The following PRR36 variants were observed in gnomAD, a reference collection of about 807,000 sequenced individuals.
The protein encoded by PRR36 is proline-rich protein 36.
PRR36 carries 30 observed loss-of-function variants against 58.6 expected under a neutral mutation model. The observed-to-expected ratio is 0.51, with a 90% CI of 0.38 to 0.69. The LOEUF is 0.69. Among genes scored for constraint, PRR36 ranks in the 30% least tolerant of loss-of-function variants. The probability of loss-of-function intolerance (pLI) is 0.00; values close to 1 mark genes in which losing one functional copy is unlikely to be tolerated. For synonymous variants in PRR36, 771 were observed against 829.3 expected (o/e 0.93, Z 1.21); for missense variants, 1,692 against 1,805.6 (o/e 0.94, Z 1.14).
At position 7,872,645 on chromosome 19, in the gene PRR36, G is replaced by T; in HGVS notation, c.599C>A (p.Pro200His). ...TGATTTCCGGGGGCCCTCTGTCGGGGGCCGTGGCCGGGCACTCGGAGCTGG... is the reference window on the plus strand; with the variant it reads ...TGATTTCCGGGGGCCCTCTGTCGGGTGCCGTGGCCGGGCACTCGGAGCTGG... ...PRPAPSARPR[P>H]PTEGPRKSVS... The change falls in exon 5 of 6, where the codon CCC becomes CAC. Residue 200 changes from proline (P) to histidine (H), a missense_variant. This residue lies in a region of PRR36 where 975 missense variants were observed against 955.2 expected (regional missense o/e 1.02). Coordinates refer to ENST00000618550, the MANE Select transcript of PRR36 (RefSeq NM_001190467.2). The surrounding 1 kb of genome is among the most constrained non-coding windows in gnomAD (Gnocchi z 6.1). 6.8e-7 allele frequency: 1 copy of T among 1,477,612 alleles called. No individual in the cohort carries two copies. The highest frequency in any genetic ancestry group is 8.9e-7 in the Non-Finnish European group (1 of 1,118,800). 91.5% of individuals were successfully genotyped at this position (1,477,612 alleles called of 1,614,324 possible).
At position 7,869,003 on chromosome 19, in the gene PRR36, G is replaced by T. The variant is rs971416889; in HGVS notation, c.*30C>A. 2.7e-6 allele frequency: 4 copies of T among 1,481,624 alleles called. No homozygotes were observed. The highest frequency in any genetic ancestry group is 3.6e-6 in the Non-Finnish European group (4 of 1,117,926). 91.8% of individuals were successfully genotyped at this position (1,481,624 alleles called of 1,614,324 possible). On this transcript the variant is annotated 3_prime_UTR_variant, in exon 6 of 6. Transcript: ENST00000618550. ...GAGGGGCGGATCCTAAGGCAGGGGTGGGGTGTAGCAGGCGGGGCTGTGGTC... is the reference window on the plus strand; with the variant it reads ...GAGGGGCGGATCCTAAGGCAGGGGTTGGGTGTAGCAGGCGGGGCTGTGGTC...
At position 7,869,360 on chromosome 19, in the gene PRR36, G is replaced by A. The variant is rs1432382927; in HGVS notation, c.3714C>T (p.Ser1238=). 1 of 1,433,716 alleles carries A rather than the reference G, an allele frequency of 7.0e-7. No individual in the cohort carries two copies. The highest frequency in any genetic ancestry group is 9.1e-7 in the Non-Finnish European group (1 of 1,103,498). The allele number at this position is 1,433,716 out of a possible 1,614,324, so 88.8% of individuals were successfully genotyped here. A position where few individuals can be genotyped will look rare whatever the true frequency, so the allele number is the denominator to read the frequency against. Residue 1238 remains serine (S), a synonymous_variant, in exon 6 of 6, where the codon AGC becomes AGT. Coordinates refer to ENST00000618550, the MANE Select transcript of PRR36 (RefSeq NM_001190467.2). ...AGAGAGASSR[S]PKQARLGELP... is the part of the protein sequence containing the mutation. The stretch of plus-strand genomic sequence containing the variant: ...GCTCGCCCAGGCGCGCCTGCTTCGG[G>A]CTCCGCGAGGACGCCCCGGCCCCGG...
At position 7,871,519 on chromosome 19, in the gene PRR36, A is replaced by G. The variant is rs1157516759; in HGVS notation, c.1725T>C (p.Pro575=). The G allele has an allele frequency of 5.9e-6, 9 of 1,532,844 alleles. No homozygotes were observed. In the East Asian group the frequency reaches 7.4e-5, roughly 13 times the overall value. 95.0% of individuals were successfully genotyped at this position (1,532,844 alleles called of 1,614,324 possible). The part of the protein sequence containing the change: ...PQAPPSMTTP[P]MQAPPSLQTI... ...TCTGGAGAGAGGGCGGGGCCTGCATAGGGGGCGTAGTCATAGAAGGTGGGG... is the reference window on the plus strand; with the variant it reads ...TCTGGAGAGAGGGCGGGGCCTGCATGGGGGGCGTAGTCATAGAAGGTGGGG... The change falls in exon 5 of 6, where the codon CCT becomes CCC. Residue 575 remains proline (P), a synonymous_variant. Transcript: ENST00000618550.
Position 7,873,699 on chromosome 19 carries a change from G to A in PRR36, c.-7-3C>T. On this transcript the variant is annotated splice_polypyrimidine_tract_variant and splice_region_variant and intron_variant, in intron 1 of 5. Transcript: ENST00000618550. The surrounding 1 kb of genome is among the most constrained non-coding windows in gnomAD (Gnocchi z 5.0). ...CTCTCTTGTTGTCCATCTTGCACCT[G>A]AAGAGACAAACCGGTCCGCATCCCA... The A allele has an allele frequency of 1.3e-6, 2 of 1,534,000 alleles. No homozygotes were observed. Among genetic ancestry groups the A allele is most frequent in the Non-Finnish European group, 8.7e-7 (1 of 1,146,046 alleles).
Position 7,871,996 on chromosome 19 carries a change from T to C in PRR36, c.1248A>G (p.Thr416=). 1 of 1,534,744 alleles carries C rather than the reference T, an allele frequency of 6.5e-7. No homozygotes were observed. The highest frequency in any genetic ancestry group is 8.7e-7 in the Non-Finnish European group (1 of 1,146,670). Reference sequence around the variant, plus strand: ...GAGAGACTGAAGCCACAAAAGCGGCTGTGGCCAGGGAAGAGACGCCTGCTT... The same window carrying C: ...GAGAGACTGAAGCCACAAAAGCGGCCGTGGCCAGGGAAGAGACGCCTGCTT... ...FPEAGVSSLA[T]AAFVASVSPS... is the part of the protein sequence containing the mutation. Residue 416 remains threonine, a synonymous_variant, in exon 5 of 6, where the codon ACA becomes ACG. Transcript: ENST00000618550.
rs1187484296 is a variant in PRR36 at position 7,871,973 on chromosome 19, G to C, written c.1271C>G (p.Ser424Cys). 6.5e-7 allele frequency: 1 copy of C among 1,535,738 alleles called. No homozygotes were observed. Among genetic ancestry groups the C allele is most frequent in the Admixed American group, 2.0e-5 (1 of 50,954 alleles). The change falls in exon 5 of 6, where the codon TCT (serine) becomes TGT (cysteine). Residue 424 changes from serine to cysteine, a missense_variant. Ser to Cys is a moderately radical substitution (Grantham distance 112, BLOSUM62 -1). Around this residue, in one of 5 missense-constraint regions of PRR36, gnomAD observed 975 missense variants for 955.2 expected, o/e 1.02. Transcript: ENST00000618550. Reference protein sequence around the residue: ...LATAAFVASVSPSVSSPLQSM... With the variant: ...LATAAFVASVCPSVSSPLQSM... Reference sequence around the variant, plus strand: ...CTGCAGAGGGGATGAAACTGATGGAGAGACTGAAGCCACAAAAGCGGCTGT... The same window carrying C: ...CTGCAGAGGGGATGAAACTGATGGACAGACTGAAGCCACAAAAGCGGCTGT...
chr19:7,869,700 T>C lies in PRR36; in HGVS notation c.3529+15A>G. On this transcript the variant is annotated intron_variant, in intron 5 of 5. Coordinates refer to ENST00000618550, the MANE Select transcript of PRR36 (RefSeq NM_001190467.2). ...ACCCCGCCCACAGCCAGGCCGGGTC[T>C]GGGGTGCCCCTTACCTGGGGCTCCG... is the stretch of plus-strand genomic sequence containing the variant. The C allele has an allele frequency of 2.2e-6, 3 of 1,354,790 alleles. No homozygotes were observed. Among genetic ancestry groups the C allele is most frequent in the Non-Finnish European group, 2.8e-6 (3 of 1,057,900 alleles). The allele number at this position is 1,354,790 out of a possible 1,614,324, so 83.9% of individuals were successfully genotyped here. A position where few individuals can be genotyped will look rare whatever the true frequency, so the allele number is the denominator to read the frequency against.
Position 7,869,389 on chromosome 19 carries a change from C to G in PRR36, c.3685G>C (p.Gly1229Arg). Residue 1229 changes from glycine (G) to arginine (R), a missense_variant, in exon 6 of 6, where the codon GGG (glycine) becomes CGG (arginine). This residue lies in a region of PRR36 where 485 missense variants were observed against 549.2 expected (regional missense o/e 0.88). Transcript: ENST00000618550. ...CGCGAGGACGCCCCGGCCCCGGCCC[C>G]AGCCGCCGCCTTCCCACCGCTCGTG... ...PGTSGGKAAA[G>R]AGAGASSRSP... is the part of the protein sequence containing the mutation. The G allele has an allele frequency of 6.8e-7, 1 of 1,468,782 alleles. No homozygotes were observed. The highest frequency in any genetic ancestry group is 1.3e-5 in the South Asian group (1 of 76,326). The allele number at this position is 1,468,782 out of a possible 1,614,324, so 91.0% of individuals were successfully genotyped here.
At position 7,873,832 on chromosome 19, in the gene PRR36, C is replaced by T; in HGVS notation, c.-7-136G>A. On this transcript the variant is annotated intron_variant, in intron 1 of 5. Coordinates refer to ENST00000618550, the MANE Select transcript of PRR36 (RefSeq NM_001190467.2). The surrounding 1 kb of genome is among the most constrained non-coding windows in gnomAD (Gnocchi z 5.0). The stretch of plus-strand genomic sequence containing the variant: ...TCAAACCTCGGCCTCGGCTTCCATC[C>T]GCTCGGCTCCCACGCACCTACACCC... The T allele has an allele frequency of 3.7e-6, 3 of 802,300 alleles. No homozygotes were observed. The highest frequency in any genetic ancestry group is 1.9e-5 in the South Asian group (1 of 51,658). 49.7% of individuals were successfully genotyped at this position (802,300 alleles called of 1,614,324 possible). A position where few individuals can be genotyped will look rare whatever the true frequency, so the allele number is the denominator to read the frequency against.
Position 7,873,840 on chromosome 19 carries a change from T to C in PRR36, c.-7-144A>G. 3 of 662,618 alleles carry C rather than the reference T, an allele frequency of 4.5e-6. No homozygotes were observed. Among genetic ancestry groups the C allele is most frequent in the South Asian group, 2.3e-5 (1 of 44,404 alleles). The allele number at this position is 662,618 out of a possible 1,614,324, so 41.0% of individuals were successfully genotyped here. A position where few individuals can be genotyped will look rare whatever the true frequency, so the allele number is the denominator to read the frequency against. Reference sequence around the variant, plus strand: ...CGGCCTCGGCTTCCATCCGCTCGGCTCCCACGCACCTACACCCACTCGCCA... The same window carrying C: ...CGGCCTCGGCTTCCATCCGCTCGGCCCCCACGCACCTACACCCACTCGCCA... On this transcript the variant is annotated intron_variant, in intron 1 of 5. Coordinates refer to ENST00000618550, the MANE Select transcript of PRR36 (RefSeq NM_001190467.2). The surrounding 1 kb of genome is among the most constrained non-coding windows in gnomAD (Gnocchi z 5.0).
chr19:7,871,254 C>T lies in PRR36; in HGVS notation c.1990G>A (p.Ala664Thr). 1 of 1,488,216 alleles carries T rather than the reference C, an allele frequency of 6.7e-7. No homozygotes were observed. The allele number at this position is 1,488,216 out of a possible 1,614,324, so 92.2% of individuals were successfully genotyped here. ...AGAGAAGTCTGCAGAGGGGGTGAGG[C>T]AGGAAGGGAAAGAGGGGCCTGCAGA... Reference protein sequence around the residue: ...PPLQAPLSLPASPPLQTSLSP... With the variant: ...PPLQAPLSLPTSPPLQTSLSP... Residue 664 changes from alanine (A) to threonine (T), a missense_variant, in exon 5 of 6, where the codon GCC becomes ACC. Ala to Thr is a moderately conservative substitution (Grantham distance 58). Around this residue, in one of 5 missense-constraint regions of PRR36, gnomAD observed 975 missense variants for 955.2 expected, o/e 1.02. Coordinates refer to ENST00000618550, the MANE Select transcript of PRR36 (RefSeq NM_001190467.2).
At position 7,870,357 on chromosome 19, in the gene PRR36, G is replaced by A. The variant is rs1980343432; in HGVS notation, c.2887C>T (p.Pro963Ser). The A allele has an allele frequency of 1.3e-6, 1 of 776,994 alleles. No individual in the cohort carries two copies. Among genetic ancestry groups the A allele is most frequent in the African/African-American group, 3.5e-5 (1 of 28,706 alleles). 48.1% of individuals were successfully genotyped at this position (776,994 alleles called of 1,614,324 possible). Residue 963 changes from proline to serine, a missense_variant, in exon 5 of 6, where the codon CCC (proline) becomes TCC (serine). Pro to Ser is a moderately conservative substitution (Grantham distance 74). Transcript: ENST00000618550. ...AAPPLQVPPSPPASPPMSPSA... is the reference protein window; with the variant it reads ...AAPPLQVPPSSPASPPMSPSA... ...GGAGACATTGGGGGAGAGGCAGGGG[G>A]AGAGGGTGGGACCTGCAGAGGAGGC...
In PRR36 at chr19:7,873,996, G is replaced by T. The variant is rs1206550461; in HGVS notation, c.-8+290C>A. Among the ~76,000 whole-genome samples, 1 of 147,872 alleles carries T rather than the reference G, an allele frequency of 6.8e-6. No homozygotes were observed. Among genetic ancestry groups the T allele is most frequent in the African/African-American group, 2.5e-5 (1 of 40,166 alleles). ...ATTCAGGACCGATCTCCACGCCCCT[G>T]CCCCTTGCCCCTTCAGGGACTCAGA... On this transcript the variant is annotated intron_variant, in intron 1 of 5. Coordinates refer to ENST00000618550, the MANE Select transcript of PRR36 (RefSeq NM_001190467.2). The surrounding 1 kb of genome is among the most constrained non-coding windows in gnomAD (Gnocchi z 5.0).
Position 7,872,083 on chromosome 19 carries a change from G to C in PRR36, c.1161C>G (p.Pro387=), listed in dbSNP as rs1980480745. The C allele has an allele frequency of 4.6e-6, 7 of 1,535,132 alleles. No individual in the cohort carries two copies. The highest frequency in any genetic ancestry group is 6.1e-6 in the Non-Finnish European group (7 of 1,146,524). Reference sequence around the variant, plus strand: ...GCGAGGGGGGCGTGGCTGGTGGAGAGGGGAGGGTCTGCAGAGAAGGTGGAG... The same window carrying C: ...GCGAGGGGGGCGTGGCTGGTGGAGACGGGAGGGTCTGCAGAGAAGGTGGAG... ...PSAPPSLQTL[P]SPPATPPSQV... The change falls in exon 5 of 6, where the codon CCC becomes CCG. Residue 387 remains proline (P), a synonymous_variant. Coordinates refer to ENST00000618550, the MANE Select transcript of PRR36 (RefSeq NM_001190467.2). This position sits in a 1 kb window ranked among gnomAD's most constrained non-coding sequence, Gnocchi z 6.1.
rs1202163859 is a variant in PRR36, at chr19:7,872,658, C to T, written c.586G>A (p.Ala196Thr). 2 of 1,470,114 alleles carry T rather than the reference C, an allele frequency of 1.4e-6. No homozygotes were observed. Among genetic ancestry groups the T allele is most frequent in the Admixed American group, 2.4e-5 (1 of 41,290 alleles). The allele number at this position is 1,470,114 out of a possible 1,614,324, so 91.1% of individuals were successfully genotyped here. ...EVGLPRPAPSARPRPPTEGPR... is the reference protein window; with the variant it reads ...EVGLPRPAPSTRPRPPTEGPR... Reference sequence around the variant, plus strand: ...CCCTCTGTCGGGGGCCGTGGCCGGGCACTCGGAGCTGGCCGGGGGAGCCCC... The same window carrying T: ...CCCTCTGTCGGGGGCCGTGGCCGGGTACTCGGAGCTGGCCGGGGGAGCCCC... Residue 196 changes from alanine to threonine, a missense_variant, in exon 5 of 6, where the codon GCC becomes ACC. Around this residue, in one of 5 missense-constraint regions of PRR36, gnomAD observed 975 missense variants for 955.2 expected, o/e 1.02. Transcript: ENST00000618550. The surrounding 1 kb of genome is among the most constrained non-coding windows in gnomAD (Gnocchi z 6.1).
Position 7,872,290 on chromosome 19 carries a change from C to T in PRR36, c.954G>A (p.Pro318=). 6.9e-7 allele frequency: 1 copy of T among 1,455,864 alleles called. No homozygotes were observed. The highest frequency in any genetic ancestry group is 1.4e-5 in the African/African-American group (1 of 70,178). 90.2% of individuals were successfully genotyped at this position (1,455,864 alleles called of 1,614,324 possible). Residue 318 remains proline (P), a synonymous_variant, in exon 5 of 6, where the codon CCG becomes CCA. Transcript: ENST00000618550. This position sits in a 1 kb window ranked among gnomAD's most constrained non-coding sequence, Gnocchi z 6.1. ...GGGGAGTGGCTGCATTGTCGGGAGG[C>T]GGTACGGGTCTTGCCTTGGTACCCG... ...SPSGTKARPV[P]PPDNAATPLP... is the part of the protein sequence containing the mutation.
chr19:7,868,893 G>T lies in PRR36; in HGVS notation c.*140C>A. On this transcript the variant is annotated 3_prime_UTR_variant, in exon 6 of 6. Coordinates refer to ENST00000618550, the MANE Select transcript of PRR36 (RefSeq NM_001190467.2). ...AGGTCCCGAGCCTCCGAGGCCAAAG[G>T]CTCAGGCTCTAGGGAGCTAAGACTA... is the stretch of plus-strand genomic sequence containing the variant. The T allele has an allele frequency of 2.9e-6, 3 of 1,044,260 alleles. No individual in the cohort carries two copies. The highest frequency in any genetic ancestry group is 3.9e-6 in the Non-Finnish European group (3 of 760,450). 64.7% of individuals were successfully genotyped at this position (1,044,260 alleles called of 1,614,324 possible).
rs1980401383 is a variant in PRR36 at position 7,870,933 on chromosome 19, CTG to C, written c.2309_2310del (p.Thr770SerfsTer235). On this transcript the variant is annotated frameshift_variant, in exon 5 of 6. Coordinates refer to ENST00000618550, the MANE Select transcript of PRR36 (RefSeq NM_001190467.2). LOFTEE classifies it high-confidence loss of function. ...TGGGGTGTGGTCAGGGGAGCAGAAG[CTG>C]TCTGCAGAGGAGGCGGGGCTAGAGA... ...LPSLAPPPLQ[T>X]ASAPLTTPHL... 2 of 1,378,908 alleles carry C rather than the reference CTG, an allele frequency of 1.5e-6. No individual in the cohort carries two copies. The highest frequency in any genetic ancestry group is 1.9e-6 in the Non-Finnish European group (2 of 1,072,732). 85.4% of individuals were successfully genotyped at this position (1,378,908 alleles called of 1,614,324 possible).
Position 7,871,075 on chromosome 19 carries a change from C to T in PRR36, c.2169G>A (p.Gln723=). The T allele has an allele frequency of 6.6e-7, 1 of 1,523,996 alleles. No homozygotes were observed. The highest frequency in any genetic ancestry group is 8.8e-7 in the Non-Finnish European group (1 of 1,141,420). The allele number at this position is 1,523,996 out of a possible 1,614,324, so 94.4% of individuals were successfully genotyped here. ...GTGTGGTCAGGGAAGCAGGAGGTGTCTGCAGAGAGGGTGGGGCTAGGGAAG... is the reference window on the plus strand; with the variant it reads ...GTGTGGTCAGGGAAGCAGGAGGTGTTTGCAGAGAGGGTGGGGCTAGGGAAG... The part of the protein sequence containing the change: ...TQSSLAPPSL[Q]TPPASLTTPP... Residue 723 remains glutamine, a synonymous_variant, in exon 5 of 6, where the codon CAG becomes CAA. Transcript: ENST00000618550.
Sources: allele counts gnomAD v4.1 joint callset (sites outside exome capture counted in the v4.1 genomes callset), GRCh38; gene constraint gnomAD v4.1.1; regional missense constraint gnomAD v4.1.1; non-coding constraint Gnocchi (gnomAD v3.1); transcripts MANE v1.5; gene names NCBI Gene and HGNC (gene_info 2026-07-23, HGNC 2026-07-21).